Variants in NRG3 observed in about 807,000 individuals in gnomAD.
NRG3 encodes the protein pro-neuregulin-3, membrane-bound isoform.
A neutral mutation model predicts 66.9 loss-of-function variants in NRG3; 31 were observed. The ratio of observed to expected loss-of-function variants is 0.46; its 90% CI spans 0.35 to 0.63. The LOEUF is 0.63. NRG3 is among the 20% of genes least tolerant of loss of function. NRG3 has a pLI of 0.00. For synonymous variants in NRG3, 393 were observed against 359.4 expected, an observed-to-expected ratio of 1.09 and a Z score of -1.06; for missense variants, 910 against 878.9, an observed-to-expected ratio of 1.04 and a Z score of -0.45.
chr10:82,119,601 A>G (rs1179058631), intron 1 of NRG3, among the ~76,000 whole-genome samples: 2 of 152,122 alleles, frequency 1.3e-5, no homozygotes, highest in African/African-American at 2.4e-5. Flanking sequence ...GCTACTCACT[A>G]CCTAGAAACC....
At chr10:82,691,780 T>C (rs929064201) in intron 2 of NRG3, among the ~76,000 whole-genome samples, 1 of 152,148 alleles carries the variant, frequency 6.6e-6, no homozygotes, top group African/African-American at 2.4e-5. Context: ...CTGTTATGAT[T>C]CTCCTTAATT....
chr10:82,479,497 G>A (rs568678953), intron 2 of NRG3, among the ~76,000 whole-genome samples: 54 of 77,106 alleles, frequency 7.0e-4, no homozygotes, highest in South Asian at 5.7e-3. Flanking sequence ...TCAGGAGTTG[G>A]AGGGAAAAAA....
intron 1 of NRG3, among the ~76,000 whole-genome samples, chr10:81,945,340 T>G (rs1017128349): frequency 6.6e-6 from 1 of 152,052 alleles, no homozygotes; most frequent in Non-Finnish European, 1.5e-5. Context: ...CTCCTCCTCC[T>G]TCTAAGTCTT....
chr10:81,930,733 A>T (rs1257318522), intron 1 of NRG3, among the ~76,000 whole-genome samples: 1 of 152,162 alleles, frequency 6.6e-6, no homozygotes, highest in Non-Finnish European at 1.5e-5. Flanking sequence ...AAGGTGCATC[A>T]TCGCATGTAG....
intron 2 of NRG3, among the ~76,000 whole-genome samples, chr10:82,395,595 ATCTG>A (rs1426399640): frequency 3.9e-5 from 6 of 152,194 alleles, no homozygotes; most frequent in Non-Finnish European, 8.8e-5. Flanking sequence ...GGCATTATAT[ATCTG>A]TCTATCTTAT....
At chr10:82,551,726 G>A (rs190304416) in intron 2 of NRG3, among the ~76,000 whole-genome samples, 84 of 151,970 alleles carry the variant, frequency 5.5e-4, no homozygotes, top group African/African-American at 1.9e-3. Context: ...TTGCCAGCCA[G>A]CCCAGAATCC....
chr10:82,966,617 C>T (rs1334236516), intron 6 of NRG3, among the ~76,000 whole-genome samples: 1 of 152,160 alleles, frequency 6.6e-6, no homozygotes, highest in Non-Finnish European at 1.5e-5. Flanking sequence ...AGTGATTATG[C>T]ATAGCCCACT....
intron 1 of NRG3, among the ~76,000 whole-genome samples, chr10:82,186,620 C>T (rs1179407402): frequency 6.6e-6 from 1 of 152,116 alleles, no homozygotes; most frequent in Non-Finnish European, 1.5e-5. Context: ...CAGATGAGGA[C>T]CTTTAAATGC....
intron 1 of NRG3, among the ~76,000 whole-genome samples, chr10:82,200,384 A>G (rs7070004): frequency 0.013 from 1,977 of 152,264 alleles, 42 homozygotes; most frequent in African/African-American, 0.045. Flanking sequence ...AGAGATGCAC[A>G]TATTTGTTGA....
intron 1 of NRG3, among the ~76,000 whole-genome samples, chr10:81,966,472 T>G (rs1181204347): frequency 5.3e-5 from 8 of 152,006 alleles, no homozygotes; most frequent in African/African-American, 1.9e-4. Flanking sequence ...GTTCTTCTAT[T>G]TATTTATTTA....
At chr10:81,964,821 T>C (rs1223881593) in intron 1 of NRG3, among the ~76,000 whole-genome samples, 2 of 152,174 alleles carry the variant, frequency 1.3e-5, no homozygotes, top group African/African-American at 4.8e-5. Context: ...TCCATTTCCA[T>C]GTTCATTAAT....
intron 1 of NRG3, among the ~76,000 whole-genome samples, chr10:82,072,237 A>G (rs1210164986): frequency 6.6e-6 from 1 of 152,202 alleles, no homozygotes; most frequent in Non-Finnish European, 1.5e-5. Flanking sequence ...GGACTTTCTG[A>G]AAGATTGCAT....
chr10:82,647,877 T>G (rs952552625), intron 2 of NRG3, among the ~76,000 whole-genome samples: 5 of 149,374 alleles, frequency 3.3e-5, no homozygotes, highest in South Asian at 4.4e-4. Context: ...TAAATTTGTT[T>G]GAGTTCATTG....
intron 1 of NRG3, among the ~76,000 whole-genome samples, chr10:82,036,895 G>A (rs565159567): frequency 6.6e-6 from 1 of 152,206 alleles, no homozygotes; most frequent in African/African-American, 2.4e-5. Flanking sequence ...TAACGAACAG[G>A]TCTTGGGGTA....
At chr10:82,631,038 A>G (rs976289223) in intron 2 of NRG3, among the ~76,000 whole-genome samples, 1 of 152,174 alleles carries the variant, frequency 6.6e-6, no homozygotes, top group Non-Finnish European at 1.5e-5. Flanking sequence ...AAAACAGTGT[A>G]TGCCTTTTAT....
chr10:81,900,296 G>A lies in NRG3; in HGVS notation c.823+24133G>A, dbSNP rs139809791. 8.5e-3 allele frequency among the ~76,000 whole-genome samples: 550 copies of A among 64,778 alleles called. 5 individuals carry two copies. Among genetic ancestry groups the A allele is most frequent in the Middle Eastern group, 0.018 (3 of 170 alleles). The allele number at this position is 64,778 out of a possible 152,430, so 42.5% of individuals were successfully genotyped here. ...AAGTGCCTAGCGGGATTACAGGCAT[G>A]AGCCAATGCGCCTGGCCGGTTTTTA... On this transcript the variant is annotated intron_variant, in intron 1 of 8. Coordinates refer to ENST00000372141, the MANE Select transcript of NRG3 (RefSeq NM_001010848.4).
intron 1 of NRG3, among the ~76,000 whole-genome samples, chr10:81,981,461 GGT>G (rs1307273454): frequency 1.3e-5 from 2 of 152,206 alleles, no homozygotes; most frequent in African/African-American, 4.8e-5. Flanking sequence ...CCACTGGGGT[GGT>G]GGCTCTGCTT....
intron 1 of NRG3, among the ~76,000 whole-genome samples, chr10:82,086,402 A>C (rs1346235249): frequency 6.6e-6 from 1 of 152,110 alleles, no homozygotes; most frequent in Admixed American, 6.5e-5. Context: ...ATCAGATTGC[A>C]GTTCAATTTT....
At chr10:82,813,968 G>C (rs923783780) in intron 3 of NRG3, among the ~76,000 whole-genome samples, 1 of 152,228 alleles carries the variant, frequency 6.6e-6, no homozygotes, top group African/African-American at 2.4e-5. Flanking sequence ...CAGATTCATA[G>C]AGCATCAGGG....
Sources: allele counts gnomAD v4.1 joint callset (sites outside exome capture counted in the v4.1 genomes callset), GRCh38; gene constraint gnomAD v4.1.1; transcripts MANE v1.5; gene names NCBI Gene and HGNC (gene_info 2026-07-23, HGNC 2026-07-21).